Variants in COL5A1 observed in about 807,000 individuals in gnomAD.
The protein encoded by COL5A1 is collagen alpha-1(V) chain.
COL5A1 carries 16 observed loss-of-function variants against 263.7 expected under a neutral mutation model. The observed-to-expected ratio is 0.06, with a 90% CI of 0.04 to 0.09. The LOEUF is 0.09. Ranked by LOEUF, COL5A1 falls within the 10% of genes least tolerant of loss-of-function variation. The pLI, the probability that COL5A1 is intolerant of heterozygous loss-of-function variation, is 1.00. For missense variants in COL5A1, 2,036 were observed against 2,540.5 expected, an observed-to-expected ratio of 0.80 and a Z score of 4.27; for synonymous variants, 1,012 against 1,004.5, an observed-to-expected ratio of 1.01 and a Z score of -0.14.
intron 13 of COL5A1, among the ~76,000 whole-genome samples, chr9:134,751,719 C>T (rs1287305393): frequency 1.3e-5 from 2 of 152,166 alleles, no homozygotes; most frequent in Non-Finnish European, 2.9e-5. Context: ...CTAAGTAATC[C>T]CTTGTTTGAG....
rs778528414 is a variant in COL5A1, at chr9:134,789,133, T to C, written c.2647-22T>C. The C allele has an allele frequency of 5.0e-6, 8 of 1,611,612 alleles. No individual in the cohort carries two copies. The East Asian group carries it at 1.6e-4, about 31-fold the overall frequency. On this transcript the variant is annotated intron_variant, in intron 31 of 65. Coordinates refer to ENST00000371817, the MANE Select transcript of COL5A1 (RefSeq NM_000093.5). The surrounding 1 kb of genome is among the most constrained non-coding windows in gnomAD (Gnocchi z 4.8). The stretch of plus-strand genomic sequence containing the variant: ...TCATTCCTGGCCCAGCTCTGATGCC[T>C]CCTCCTTAAACTCTCTTTCAGGGCT...
At chr9:134,695,629 C>A (rs2132559933) in intron 2 of COL5A1, among the ~76,000 whole-genome samples, 1 of 152,256 alleles carries the variant, frequency 6.6e-6, no homozygotes, top group Non-Finnish European at 1.5e-5. Context: ...ATAGGGGTTC[C>A]CTGATGGCTG....
intron 13 of COL5A1, among the ~76,000 whole-genome samples, chr9:134,752,143 T>C (rs1453206514): frequency 1.3e-5 from 2 of 152,174 alleles, no homozygotes; most frequent in Non-Finnish European, 2.9e-5. Context: ...ACTTCCCCAG[T>C]GGCTGGGAGT....
intron 4 of COL5A1, among the ~76,000 whole-genome samples, chr9:134,724,411 T>C (rs1373227387): frequency 4.6e-5 from 7 of 152,208 alleles, no homozygotes; most frequent in Non-Finnish European, 8.8e-5. Context: ...GGAGCTGGCA[T>C]GTGGGCCGGG....
At position 134,796,892 on chromosome 9, in the gene COL5A1, G is replaced by T; in HGVS notation, c.2889G>T (p.Lys963Asn). 1 of 1,613,920 alleles carries T rather than the reference G, an allele frequency of 6.2e-7. No homozygotes were observed. The highest frequency in any genetic ancestry group is 1.1e-5 in the South Asian group (1 of 91,072). Reference protein sequence around the residue: ...PQGPTGFPGPKGPPGPPGKDG... With the variant: ...PQGPTGFPGPNGPPGPPGKDG... ...GACCCACAGGATTTCCTGGACCAAA[G>T]GGCCCCCCTGTAAGTAATGGCTTCC... Residue 963 changes from lysine (K) to asparagine (N), a missense_variant, in exon 36 of 66, where the codon AAG becomes AAT. Coordinates refer to ENST00000371817, the MANE Select transcript of COL5A1 (RefSeq NM_000093.5).
chr9:134,814,094 G>T (rs2132852039), intron 49 of COL5A1, 58 bp downstream of exon 49: 3 of 1,519,372 alleles, frequency 2.0e-6, no homozygotes, highest in Non-Finnish European at 2.7e-6. Context: ...GTGTGGACGG[G>T]GTGCTGGGTT....
At chr9:134,808,502 T>TGCAC (rs1034645810) in intron 42 of COL5A1, among the ~76,000 whole-genome samples, 3 of 152,360 alleles carry the variant, frequency 2.0e-5, no homozygotes, top group Admixed American at 1.3e-4. Flanking sequence ...CATGTATGCA[T>TGCAC]GCACATACAT....
chr9:134,752,236 G>A (rs553846208), intron 13 of COL5A1, among the ~76,000 whole-genome samples: 1 of 151,010 alleles, frequency 6.6e-6, no homozygotes, highest in African/African-American at 2.5e-5. Context: ...TATGCCCAGA[G>A]TAAGAGGCTT....
chr9:134,723,813 G>C (rs926683816), intron 4 of COL5A1, among the ~76,000 whole-genome samples: 7 of 152,216 alleles, frequency 4.6e-5, no homozygotes, highest in African/African-American at 1.7e-4. Context: ...GTGGATGTGT[G>C]GCTGAAGTCA....
chr9:134,842,468 G>A lies in COL5A1; in HGVS notation c.*165G>A, dbSNP rs372842004. 109 of 827,768 alleles carry A rather than the reference G, an allele frequency of 1.3e-4. 1 individual carries two copies. Among genetic ancestry groups the A allele is most frequent in the Admixed American group, 7.1e-4 (33 of 46,392 alleles). The allele number at this position is 827,768 out of a possible 1,614,324, so 51.3% of individuals were successfully genotyped here. A position where few individuals can be genotyped will look rare whatever the true frequency, so the allele number is the denominator to read the frequency against. ...ACCACGGGGTGTGGGACCCCAGCCC[G>A]GAGAGAACAGAGGGAAGGAGCCGCG... On this transcript the variant is annotated 3_prime_UTR_variant, in exon 66 of 66. Transcript: ENST00000371817. This position sits in a 1 kb window ranked among gnomAD's most constrained non-coding sequence, Gnocchi z 5.8.
rs941294742 is a variant in COL5A1, at chr9:134,716,745, C to G, written c.655-10521C>G. Among the ~76,000 whole-genome samples the G allele has an allele frequency of 2.6e-5, 4 of 152,180 alleles. No homozygotes were observed. The highest frequency in any genetic ancestry group is 5.9e-5 in the Non-Finnish European group (4 of 68,032). On this transcript the variant is annotated intron_variant, in intron 4 of 65. Transcript: ENST00000371817. The surrounding 1 kb of genome is among the most constrained non-coding windows in gnomAD (Gnocchi z 4.5). ...CATGAGGCTGTGACCTGATCATGCC[C>G]CTTCTCTGCACCCATGCGGCCCACC...
chr9:134,766,604 A>G, intron 22 of COL5A1, 106 bp downstream of exon 22: 3 of 1,211,786 alleles, frequency 2.5e-6, no homozygotes, highest in South Asian at 1.3e-5. Context: ...TGGGAACATG[A>G]AGGGCAGGTT....
intron 32 of COL5A1, among the ~76,000 whole-genome samples, chr9:134,790,348 A>C: frequency 3.7e-5 from 5 of 133,692 alleles, no homozygotes; most frequent in African/African-American, 1.2e-4. Context: ...CCACCCACCC[A>C]CCAACCCATC....
chr9:134,830,347 C>T (rs1226045485), intron 64 of COL5A1: 2 of 663,122 alleles, frequency 3.0e-6, no homozygotes, highest in Admixed American at 2.7e-5. Context: ...CTCCCCAGCC[C>T]CCGCCACCCT....
Position 134,642,324 on chromosome 9 carries a change from C to T in COL5A1, c.109+28C>T. The T allele has an allele frequency of 1.6e-6, 1 of 644,248 alleles. No individual in the cohort carries two copies. The highest frequency in any genetic ancestry group is 2.1e-6 in the Non-Finnish European group (1 of 479,190). The allele number at this position is 644,248 out of a possible 1,614,324, so 39.9% of individuals were successfully genotyped here. ...AAGGGCGCCCCGGGGCGCGGGGCTG[C>T]GGGATGGGGCGCGCGCAGCCCGGGC... On this transcript the variant is annotated intron_variant, in intron 1 of 65. Coordinates refer to ENST00000371817, the MANE Select transcript of COL5A1 (RefSeq NM_000093.5). The surrounding 1 kb of genome is among the most constrained non-coding windows in gnomAD (Gnocchi z 4.5).
At chr9:134,712,785 G>A (rs537152333) in intron 4 of COL5A1, among the ~76,000 whole-genome samples, 2 of 151,636 alleles carry the variant, frequency 1.3e-5, no homozygotes, top group Non-Finnish European at 1.5e-5. Context: ...TCAACCCTGA[G>A]TTGCTGCTTT....
intron 34 of COL5A1, among the ~76,000 whole-genome samples, chr9:134,795,675 C>T (rs1038986042): frequency 3.3e-5 from 5 of 152,206 alleles, no homozygotes; most frequent in Non-Finnish European, 7.3e-5. Context: ...TTGAGAGCTG[C>T]AGAGGCCTCT....
At chr9:134,800,613 C>G (rs1182502160) in intron 37 of COL5A1, among the ~76,000 whole-genome samples, 2 of 152,112 alleles carry the variant, frequency 1.3e-5, no homozygotes, top group African/African-American at 4.8e-5. Flanking sequence ...GGCATGGTGG[C>G]AGGCACCTGT....
Position 134,642,327 on chromosome 9 carries a change from G to T in COL5A1, c.109+31G>T. 1 of 641,726 alleles carries T rather than the reference G, an allele frequency of 1.6e-6. No individual in the cohort carries two copies. The allele number at this position is 641,726 out of a possible 1,614,324, so 39.8% of individuals were successfully genotyped here. On this transcript the variant is annotated intron_variant, in intron 1 of 65. Coordinates refer to ENST00000371817, the MANE Select transcript of COL5A1 (RefSeq NM_000093.5). The surrounding 1 kb of genome is among the most constrained non-coding windows in gnomAD (Gnocchi z 4.5). ...GGCGCCCCGGGGCGCGGGGCTGCGG[G>T]ATGGGGCGCGCGCAGCCCGGGCGCC...
Sources: gnomAD v4.1 joint callset for allele counts (sites outside exome capture counted in the v4.1 genomes callset) on GRCh38, gnomAD v4.1.1 for gene constraint, Gnocchi (gnomAD v3.1) non-coding constraint, MANE v1.5 for transcripts, NCBI Gene and HGNC (gene_info 2026-07-23, HGNC 2026-07-21) for gene names.